Variants in GLT8D1 observed in about 807,000 individuals in gnomAD.
GLT8D1 encodes the protein glycosyltransferase 8 domain containing 1.
Under a neutral mutation model 46.2 loss-of-function variants are expected in GLT8D1, and 41 were observed. The observed-to-expected ratio is 0.89, with a 90% CI of 0.69 to 1.15. GLT8D1 has a LOEUF of 1.15. GLT8D1 is among the 50% of genes most tolerant of loss of function. The pLI, the probability that GLT8D1 is intolerant of heterozygous loss-of-function variation, is 0.00. For synonymous variants in GLT8D1, 150 were observed against 154.2 expected (o/e 0.97, Z 0.20); for missense variants, 408 against 449.3 (o/e 0.91, Z 0.83).
rs760190823 is a variant in GLT8D1 at position 52,695,893 on chromosome 3, A to G, written c.645+35T>C. The G allele has an allele frequency of 2.5e-6, 3 of 1,198,454 alleles. No individual in the cohort carries two copies. In the Admixed American group the frequency reaches 5.1e-5, roughly 21 times the overall value. 74.2% of individuals were successfully genotyped at this position (1,198,454 alleles called of 1,614,324 possible). A position where few individuals can be genotyped will look rare whatever the true frequency, so the allele number is the denominator to read the frequency against. On this transcript the variant is annotated intron_variant, in intron 7 of 9. Coordinates refer to ENST00000266014, the MANE Select transcript of GLT8D1 (RefSeq NM_018446.4). ...TTGCAACCTCTTCCCATTAAACAAT[A>G]TTGTAGGAAGAGGGGTGTTTGGTAA...
intron 4 of GLT8D1, among the ~76,000 whole-genome samples, chr3:52,697,240 T>C (rs1032034990): frequency 3.3e-5 from 5 of 152,212 alleles, no homozygotes; most frequent in East Asian, 1.9e-4. Context: ...ATAAGTCTTA[T>C]TCATTTTCAA....
At chr3:52,700,562 CA>C in intron 1 of GLT8D1, 66 bp from the exon 2 acceptor site, 9 of 657,536 alleles carry the variant, frequency 1.4e-5, no homozygotes, top group Admixed American at 2.6e-5. Flanking sequence ...AATGCCCTAA[CA>C]CTTTTTTTTT....
intron 4 of GLT8D1, 150 bp downstream of exon 4, chr3:52,697,571 T>TA (rs910851510): frequency 4.4e-5 from 29 of 656,566 alleles, no homozygotes; most frequent in Non-Finnish European, 6.8e-5. Flanking sequence ...AATACAGTCC[T>TA]AAAAAAAATA....
rs754869681 is a variant in GLT8D1 at position 52,697,811 on chromosome 3, GC to G, written c.238del (p.Ala80ProfsTer5). ...IAASEDRLGG[A>X]IAAINSIQHN... The stretch of plus-strand genomic sequence containing the variant: ...CTGAATGCTGTTTATAGCTGCAATG[GC>G]CCCCCCAAGCCTGTCTTCAGATGCA... On this transcript the variant is annotated frameshift_variant, in exon 4 of 10. Coordinates refer to ENST00000266014, the MANE Select transcript of GLT8D1 (RefSeq NM_018446.4). LOFTEE classifies it high-confidence loss of function. 1.9e-6 allele frequency: 3 copies of G among 1,612,918 alleles called. No individual in the cohort carries two copies. The highest frequency in any genetic ancestry group is 2.5e-6 in the Non-Finnish European group (3 of 1,179,030).
chr3:52,700,132 A>G, intron 3 of GLT8D1, 130 bp downstream of exon 3: 1 of 620,236 alleles, frequency 1.6e-6, no homozygotes, highest in East Asian at 2.7e-5. Context: ...GAAAAGGAAT[A>G]TTCTGTCAGA....
rs1484182361 is a variant in GLT8D1 at position 52,695,942 on chromosome 3, C to T, written c.631G>A (p.Gly211Arg). 6.3e-7 allele frequency: 1 copy of T among 1,599,580 alleles called. No individual in the cohort carries two copies. Among genetic ancestry groups the T allele is most frequent in the African/African-American group, 1.3e-5 (1 of 74,590 alleles). ...DSASTKVVIRGAGNQYNYIGY... is the reference protein window; with the variant it reads ...DSASTKVVIRRAGNQYNYIGY... The stretch of plus-strand genomic sequence containing the variant: ...AAGCAATTTACCTGGTTTCCTGCTC[C>T]ACGGATGACAACTTTAGTAGAGGCT... Residue 211 changes from glycine (G) to arginine (R), a missense_variant, in exon 7 of 10, where the codon GGA becomes AGA. By Grantham distance (125) the Gly-to-Arg change is moderately radical. Transcript: ENST00000266014.
chr3:52,702,929 G>A (rs1281126834), intron 1 of GLT8D1, among the ~76,000 whole-genome samples: 1 of 151,250 alleles, frequency 6.6e-6, no homozygotes, highest in Non-Finnish European at 1.5e-5. Context: ...AGGGACTACA[G>A]GTGTGCGCCA....
chr3:52,699,621 G>A (rs1210732415), intron 3 of GLT8D1, among the ~76,000 whole-genome samples: 2 of 152,170 alleles, frequency 1.3e-5, no homozygotes, highest in Non-Finnish European at 2.9e-5. Context: ...TTACAGGCAT[G>A]AGCCACTGCT....
rs2097330987 is a variant in GLT8D1, at chr3:52,694,691, G to A, written c.*154C>T. ...CTATAGTCTGTCTGGGAAGCTGACT[G>A]CCAGACAGGGCAGTTTGTCATCTTT... On this transcript the variant is annotated 3_prime_UTR_variant, in exon 10 of 10. Transcript: ENST00000266014. The A allele has an allele frequency of 2.9e-6, 2 of 678,492 alleles. No homozygotes were observed. The highest frequency in any genetic ancestry group is 3.3e-5 in the South Asian group (2 of 61,422). 42.0% of individuals were successfully genotyped at this position (678,492 alleles called of 1,614,324 possible). A position where few individuals can be genotyped will look rare whatever the true frequency, so the allele number is the denominator to read the frequency against.
chr3:52,698,056 C>A, intron 3 of GLT8D1, 122 bp from the exon 4 acceptor site: 1 of 674,666 alleles, frequency 1.5e-6, no homozygotes, highest in South Asian at 1.7e-5. Context: ...CCCCATTAAA[C>A]TGAAGCATAT....
At position 52,695,211 on chromosome 3, in the gene GLT8D1, T is replaced by G; in HGVS notation, c.904A>C (p.Met302Leu). 6.2e-7 allele frequency: 1 copy of G among 1,612,876 alleles called. No individual in the cohort carries two copies. The highest frequency in any genetic ancestry group is 8.5e-7 in the Non-Finnish European group (1 of 1,178,996). Reference sequence around the variant, plus strand: ...TTACCAAGGTGGCGGACATTCCACATAGGATCGATGGTAGAGTGCTGTTGA... The same window carrying G: ...TTACCAAGGTGGCGGACATTCCACAGAGGATCGATGGTAGAGTGCTGTTGA... ...FYQQHSTIDP[M>L]WNVRHLGSSA... The change falls in exon 9 of 10, where the codon ATG becomes CTG. Residue 302 changes from methionine (M) to leucine (L), a missense_variant. Physicochemically the swap from Met to Leu is conservative, Grantham distance 15 (BLOSUM62 2). Transcript: ENST00000266014.
At chr3:52,702,136 A>C (rs1299087617) in intron 1 of GLT8D1, among the ~76,000 whole-genome samples, 1 of 152,238 alleles carries the variant, frequency 6.6e-6, no homozygotes, top group African/African-American at 2.4e-5. Context: ...AGTAGCAGGG[A>C]CTACAGACAA....
rs148343654 is a variant in GLT8D1 at position 52,697,862 on chromosome 3, T to C, written c.188A>G (p.Gln63Arg). ...AGCGATGACCACAGGAATCTCCTCT[T>C]GTCTCCCATCTACTGCATGTCGGAG... ...NALRHAVDGR[Q>R]EEIPVVIAAS... The change falls in exon 4 of 10, where the codon CAA becomes CGA. Residue 63 changes from glutamine to arginine, a missense_variant. Physicochemically the swap from Gln to Arg is conservative, Grantham distance 43. Coordinates refer to ENST00000266014, the MANE Select transcript of GLT8D1 (RefSeq NM_018446.4). 9.3e-6 allele frequency: 15 copies of C among 1,613,554 alleles called. No homozygotes were observed. The highest frequency in any genetic ancestry group is 5.3e-5 in the African/African-American group (4 of 74,932).
chr3:52,698,172 CAG>C (rs1293518887), intron 3 of GLT8D1, among the ~76,000 whole-genome samples: 3 of 152,136 alleles, frequency 2.0e-5, no homozygotes, highest in African/African-American at 4.8e-5. Context: ...AGGAAAATAA[CAG>C]AACCTGTTAG....
At chr3:52,696,072 T>G in intron 6 of GLT8D1, 32 bp from the exon 7 acceptor site, 1 of 1,435,416 alleles carries the variant, frequency 7.0e-7, no homozygotes, top group Non-Finnish European at 9.8e-7. Flanking sequence ...GATTTACATT[T>G]CCGTTGCCTT....
chr3:52,700,564 C>T, intron 1 of GLT8D1, 68 bp from the exon 2 acceptor site: 3 of 535,688 alleles, frequency 5.6e-6, no homozygotes, highest in East Asian at 2.8e-5. Flanking sequence ...TGCCCTAACA[C>T]TTTTTTTTTT....
At chr3:52,697,493 G>GT in intron 4 of GLT8D1, 1 of 552,466 alleles carries the variant, frequency 1.8e-6, no homozygotes, top group South Asian at 2.1e-5. Flanking sequence ...ACAGTTCAGA[G>GT]TGACAGCTGA....
rs760100618 is a variant in GLT8D1 at position 52,700,495 on chromosome 3, C to G, written c.-35G>C. 1.1e-5 allele frequency: 17 copies of G among 1,499,884 alleles called. No individual in the cohort carries two copies. The East Asian group carries it at 3.6e-4, about 32-fold the overall frequency. The allele number at this position is 1,499,884 out of a possible 1,614,324, so 92.9% of individuals were successfully genotyped here. ...CTGTCATATAAATATTAGTTTTTAA[C>G]CCTACAAAACAAAAACAAGCCCCCA... On this transcript the variant is annotated splice_region_variant and 5_prime_UTR_variant, in exon 2 of 10. Coordinates refer to ENST00000266014, the MANE Select transcript of GLT8D1 (RefSeq NM_018446.4).
chr3:52,694,927 ACATCAGTATATGAAG>A lies in GLT8D1; in HGVS notation c.1019_1033del (p.Ala340_Asp344del). The A allele has an allele frequency of 6.2e-7, 1 of 1,610,674 alleles. No homozygotes were observed. Among genetic ancestry groups the A allele is most frequent in the Non-Finnish European group, 8.5e-7 (1 of 1,176,862 alleles). On this transcript the variant is annotated inframe_deletion, in exon 10 of 10. Coordinates refer to ENST00000266014, the MANE Select transcript of GLT8D1 (RefSeq NM_018446.4). Reference sequence around the variant, plus strand: ...GTCTGGAATATACCATTTTTCCCAAACATCAGTATATGAAGCAGTCCTTCCCCATGGCTTCAAATG... The same window carrying A: ...GTCTGGAATATACCATTTTTCCCAAACAGTCCTTCCCCATGGCTTCAAATG...
Sources: allele counts gnomAD v4.1 joint callset (sites outside exome capture counted in the v4.1 genomes callset), GRCh38; gene constraint gnomAD v4.1.1; transcripts MANE v1.5; gene names NCBI Gene and HGNC (gene_info 2026-07-23, HGNC 2026-07-21).